The following TMEM74 variants were observed in gnomAD, a reference collection of about 807,000 sequenced individuals.
TMEM74 encodes the protein transmembrane protein 74.
TMEM74 carries 13 observed loss-of-function variants against 18.1 expected under a neutral mutation model. The observed-to-expected ratio is 0.72, with a 90% confidence interval of 0.47 to 1.14. The LOEUF (loss-of-function observed/expected upper bound fraction) is 1.14, where lower values mean the gene tolerates loss of function less well. TMEM74 is among the 50% of genes most tolerant of loss of function. The pLI is 0.00. For synonymous variants in TMEM74, 159 were observed against 146.6 expected (o/e 1.08, Z -0.61); for missense variants, 372 against 375.9 (o/e 0.99, Z 0.09).
chr8:108,642,547 T>C (rs918148026), intron 2 of TMEM74, among the ~76,000 whole-genome samples: 13 of 152,164 alleles, frequency 8.5e-5, no homozygotes, highest in Non-Finnish European at 1.5e-5. Flanking sequence ...CATATGGCTT[T>C]ATCAGTTCAT....
chr8:108,657,399 C>A (rs1267771211), intron 1 of TMEM74, among the ~76,000 whole-genome samples: 1 of 151,918 alleles, frequency 6.6e-6, no homozygotes, highest in Non-Finnish European at 1.5e-5. Flanking sequence ...ACCAGCATAA[C>A]AAGTTTGGGT....
intron 1 of TMEM74, among the ~76,000 whole-genome samples, chr8:108,764,495 G>A (rs929511593): frequency 6.6e-6 from 1 of 152,086 alleles, no homozygotes; most frequent in Non-Finnish European, 1.5e-5. Context: ...TAAATTCCTG[G>A]ATGCCATGTA....
At chr8:108,632,826 A>C (rs1812568468) in intron 2 of TMEM74, among the ~76,000 whole-genome samples, 1 of 152,004 alleles carries the variant, frequency 6.6e-6, no homozygotes, top group Admixed American at 6.6e-5. Flanking sequence ...CCTTATTGAC[A>C]AAATGAGAGT....
chr8:108,755,273 G>A (rs1168341835), intron 1 of TMEM74, among the ~76,000 whole-genome samples: 1 of 152,062 alleles, frequency 6.6e-6, no homozygotes, highest in African/African-American at 2.4e-5. Flanking sequence ...AAATGAGAAA[G>A]CAGCCTGGTT....
At chr8:108,634,205 T>A (rs984380474) in intron 2 of TMEM74, among the ~76,000 whole-genome samples, 8 of 151,680 alleles carry the variant, frequency 5.3e-5, no homozygotes, top group Non-Finnish European at 7.4e-5. Flanking sequence ...TGAAACAGAA[T>A]AACTGGAGAA....
chr8:108,777,702 C>CT (rs1319840237), downstream of TMEM74, among the ~76,000 whole-genome samples: 1 of 152,138 alleles, frequency 6.6e-6, no homozygotes, highest in Non-Finnish European at 1.5e-5. Context: ...GATTTTAATT[C>CT]TTTTCCTACC....
intron 2 of TMEM74, among the ~76,000 whole-genome samples, chr8:108,640,710 C>T (rs974533333): frequency 6.6e-6 from 1 of 152,086 alleles, no homozygotes; most frequent in Non-Finnish European, 1.5e-5. Flanking sequence ...GTCAGTCTCT[C>T]ACAACTGTGC....
intron 2 of TMEM74, among the ~76,000 whole-genome samples, chr8:108,645,693 C>A (rs746349591): frequency 2.0e-5 from 3 of 152,098 alleles, no homozygotes; most frequent in East Asian, 1.9e-4. Context: ...ATTCCCTTAC[C>A]CAAAACATGG....
intron 1 of TMEM74, among the ~76,000 whole-genome samples, chr8:108,713,175 A>G (rs1813490236): frequency 6.6e-6 from 1 of 152,206 alleles, no homozygotes; most frequent in Admixed American, 6.5e-5. Context: ...GATCCTTAAC[A>G]GATTTTGGCA....
downstream of TMEM74, among the ~76,000 whole-genome samples, chr8:108,776,893 C>T (rs1814240432): frequency 6.6e-6 from 1 of 152,036 alleles, no homozygotes; most frequent in Non-Finnish European, 1.5e-5. Context: ...GATCAGTAAT[C>T]ATCTGACAAT....
Position 108,628,716 on chromosome 8 carries a change from C to T in TMEM74, n.265-19890G>A, listed in dbSNP as rs565955431. Among the ~76,000 whole-genome samples, 42 of 152,112 alleles carry T rather than the reference C, an allele frequency of 2.8e-4. No individual in the cohort carries two copies. The South Asian group carries it at 7.5e-3, about 27-fold the overall frequency. Reference sequence around the variant, plus strand: ...CCTTGAGAAATTGCCACACTGTCTGCCATAATGGTTGAACTAATTTATACT... The same window carrying T: ...CCTTGAGAAATTGCCACACTGTCTGTCATAATGGTTGAACTAATTTATACT... On this transcript the variant is annotated intron_variant and non_coding_transcript_variant, in intron 2 of 3. Coordinates refer to the TMEM74 transcript ENST00000518838.
intron 1 of TMEM74, among the ~76,000 whole-genome samples, chr8:108,735,082 C>T (rs1159195993): frequency 6.6e-6 from 1 of 152,140 alleles, no homozygotes; most frequent in Non-Finnish European, 1.5e-5. Context: ...GTCCATGTAG[C>T]TGTCTCATTC....
chr8:108,741,544 A>T (rs1355039947), intron 1 of TMEM74, among the ~76,000 whole-genome samples: 1 of 152,232 alleles, frequency 6.6e-6, no homozygotes, highest in Non-Finnish European at 1.5e-5. Context: ...GATCAGCCCA[A>T]CTGAAATGTA....
At chr8:108,667,816 C>T (rs771494697) in intron 1 of TMEM74, among the ~76,000 whole-genome samples, 2 of 152,154 alleles carry the variant, frequency 1.3e-5, no homozygotes, top group Non-Finnish European at 2.9e-5. Flanking sequence ...GCCCCATCCC[C>T]TGCCAGATTT....
At chr8:108,775,848 C>T (rs947360182), downstream of TMEM74, among the ~76,000 whole-genome samples, 5 of 152,164 alleles carry the variant, frequency 3.3e-5, no homozygotes, top group African/African-American at 1.2e-4. Context: ...GGCTCTGGTA[C>T]CCTGGTTTCC....
chr8:108,679,943 A>G (rs866955831), intron 1 of TMEM74, among the ~76,000 whole-genome samples: 5 of 152,326 alleles, frequency 3.3e-5, no homozygotes, highest in African/African-American at 9.6e-5. Flanking sequence ...TCTAGAAGAA[A>G]TGGATAAATT....
chr8:108,691,301 C>T (rs1012228954), intron 1 of TMEM74, among the ~76,000 whole-genome samples: 5 of 152,192 alleles, frequency 3.3e-5, no homozygotes, highest in African/African-American at 7.2e-5. Flanking sequence ...TGCAGTCAGA[C>T]GAGCAGCACC....
intron 2 of TMEM74, among the ~76,000 whole-genome samples, chr8:108,620,619 T>C (rs555296583): frequency 2.0e-5 from 3 of 152,306 alleles, no homozygotes; most frequent in East Asian, 1.9e-4. Flanking sequence ...CAGGTCTGTA[T>C]GTTTCCAGGT....
intron 1 of TMEM74, among the ~76,000 whole-genome samples, chr8:108,707,222 A>T (rs935424647): frequency 3.3e-5 from 5 of 151,832 alleles, no homozygotes; most frequent in Non-Finnish European, 7.4e-5. Flanking sequence ...CATTAGGAAA[A>T]ATACCTAATG....
Sources: gnomAD v4.1 joint callset for allele counts (sites outside exome capture counted in the v4.1 genomes callset) on GRCh38, gnomAD v4.1.1 for gene constraint, MANE v1.5 for transcripts, NCBI Gene and HGNC (gene_info 2026-07-23, HGNC 2026-07-21) for gene names.